Variants in MPPED2 observed in about 807,000 individuals in gnomAD.
The protein encoded by MPPED2 is metallophosphoesterase MPPED2.
In MPPED2, 5 loss-of-function variants were observed where a neutral mutation model predicts 33.0. The observed-to-expected ratio is 0.15, with a 90% CI of 0.08 to 0.32. MPPED2 has a LOEUF of 0.32. MPPED2 is among the 10% of genes least tolerant of loss of function. MPPED2 has a pLI of 1.00. For synonymous variants in MPPED2, 136 were observed against 141.9 expected, an observed-to-expected ratio of 0.96 and a Z score of 0.29; for missense variants, 275 against 372.1, an observed-to-expected ratio of 0.74 and a Z score of 2.15.
chr11:30,411,631 G>C, intron 6 of MPPED2, 45 bp from the exon 7 acceptor site: 1 of 1,536,816 alleles, frequency 6.5e-7, no homozygotes. Context: ...ATACAAATGA[G>C]AGTGATGGAA....
intron 6 of MPPED2, among the ~76,000 whole-genome samples, chr11:30,413,469 A>G (rs759199090): frequency 5.9e-5 from 9 of 152,182 alleles, no homozygotes; most frequent in Non-Finnish European, 1.2e-4. Context: ...CATGATTTGA[A>G]AAAGGCAGGT....
chr11:30,563,297 C>T (rs1956310100), intron 2 of MPPED2, among the ~76,000 whole-genome samples: 2 of 152,076 alleles, frequency 1.3e-5, no homozygotes, highest in African/African-American at 4.8e-5. Flanking sequence ...GAAACTGGTC[C>T]ACCTCAGATC....
intron 2 of MPPED2, among the ~76,000 whole-genome samples, chr11:30,574,705 A>C (rs1269106832): frequency 6.6e-6 from 1 of 152,194 alleles, no homozygotes; most frequent in Non-Finnish European, 1.5e-5. Flanking sequence ...TTTGCATCAG[A>C]TCAAGACTTT....
intron 3 of MPPED2, among the ~76,000 whole-genome samples, chr11:30,512,399 G>A (rs561783320): frequency 4.6e-5 from 7 of 152,228 alleles, no homozygotes; most frequent in East Asian, 1.9e-4. Context: ...ATCATTTCTC[G>A]TTGCATGCTG....
At chr11:30,556,750 A>G (rs1360963142) in intron 2 of MPPED2, among the ~76,000 whole-genome samples, 1 of 152,222 alleles carries the variant, frequency 6.6e-6, no homozygotes, top group African/African-American at 2.4e-5. Context: ...GGCTTGGTAC[A>G]CAATAAGCAT....
chr11:30,530,075 T>C (rs1049050380), intron 3 of MPPED2, among the ~76,000 whole-genome samples: 1 of 152,210 alleles, frequency 6.6e-6, no homozygotes, highest in Non-Finnish European at 1.5e-5. Context: ...CGTAAACTTT[T>C]GACTGAAAGA....
At chr11:30,532,355 G>A (rs1250780348) in intron 3 of MPPED2, among the ~76,000 whole-genome samples, 1 of 152,134 alleles carries the variant, frequency 6.6e-6, no homozygotes, top group African/African-American at 2.4e-5. Context: ...ATTCTGTCTG[G>A]TTAGTGTCAC....
intron 6 of MPPED2, among the ~76,000 whole-genome samples, chr11:30,391,713 G>A (rs1032472739): frequency 6.6e-6 from 1 of 152,132 alleles, no homozygotes; most frequent in South Asian, 2.1e-4. Context: ...AATCAACATA[G>A]AAGCCAAACT....
intron 2 of MPPED2, among the ~76,000 whole-genome samples, chr11:30,571,547 A>G (rs1340286986): frequency 6.6e-6 from 1 of 152,194 alleles, no homozygotes; most frequent in African/African-American, 2.4e-5. Flanking sequence ...AGTTTTGTCC[A>G]TACTGATATT....
chr11:30,440,073 T>A (rs1949497917), intron 4 of MPPED2, among the ~76,000 whole-genome samples: 1 of 152,226 alleles, frequency 6.6e-6, no homozygotes. Context: ...CTCACACCTA[T>A]AATTCCAGCA....
At chr11:30,570,507 T>G (rs186913963) in intron 2 of MPPED2, among the ~76,000 whole-genome samples, 9 of 152,286 alleles carry the variant, frequency 5.9e-5, no homozygotes, top group Admixed American at 3.9e-4. Flanking sequence ...ATAGTTAAGA[T>G]TTTATGATTA....
intron 2 of MPPED2, among the ~76,000 whole-genome samples, chr11:30,569,145 T>TG (rs1039025341): frequency 1.3e-5 from 2 of 152,088 alleles, no homozygotes; most frequent in Admixed American, 1.3e-4. Context: ...ATTAACATCG[T>TG]GGTGGGGTCG....
intron 3 of MPPED2, among the ~76,000 whole-genome samples, chr11:30,519,273 GCAAA>G (rs967551916): frequency 1.1e-3 from 173 of 151,984 alleles, no homozygotes; most frequent in African/African-American, 4.0e-3. Flanking sequence ...TGTCTCAAAA[GCAAA>G]CAAACAAACA....
intron 2 of MPPED2, among the ~76,000 whole-genome samples, chr11:30,540,104 T>A (rs1955017882): frequency 6.6e-6 from 1 of 152,180 alleles, no homozygotes; most frequent in Non-Finnish European, 1.5e-5. Flanking sequence ...TAAGTAACAA[T>A]TTTAGGTCAG....
At chr11:30,530,460 T>C (rs909180733) in intron 3 of MPPED2, among the ~76,000 whole-genome samples, 1 of 152,156 alleles carries the variant, frequency 6.6e-6, no homozygotes. Context: ...AAGTAAACAA[T>C]GGCATAGCCA....
chr11:30,520,439 T>C (rs1278533373), intron 3 of MPPED2, among the ~76,000 whole-genome samples: 1 of 152,166 alleles, frequency 6.6e-6, no homozygotes, highest in Non-Finnish European at 1.5e-5. Context: ...AATGCTAAAA[T>C]AAGGCAAACA....
chr11:30,573,973 TA>T (rs770179168), intron 2 of MPPED2, among the ~76,000 whole-genome samples: 2 of 152,212 alleles, frequency 1.3e-5, no homozygotes, highest in Non-Finnish European at 2.9e-5. Flanking sequence ...ATCTGGCTTA[TA>T]AAAGAGTCAA....
chr11:30,521,784 C>T (rs1291729752), intron 3 of MPPED2, among the ~76,000 whole-genome samples: 4 of 152,114 alleles, frequency 2.6e-5, no homozygotes, highest in African/African-American at 9.7e-5. Flanking sequence ...TGGAGTCCCA[C>T]CCTTCTTGTA....
intron 2 of MPPED2, among the ~76,000 whole-genome samples, chr11:30,544,413 G>A (rs1188397963): frequency 6.6e-6 from 1 of 152,180 alleles, no homozygotes; most frequent in Non-Finnish European, 1.5e-5. Flanking sequence ...TCAAGCAGTA[G>A]GTCAATAACC....
Sources: gnomAD v4.1 joint callset for allele counts (sites outside exome capture counted in the v4.1 genomes callset) on GRCh38, gnomAD v4.1.1 for gene constraint, MANE v1.5 for transcripts, NCBI Gene and HGNC (gene_info 2026-07-23, HGNC 2026-07-21) for gene names.